Variants in ZNF385D observed in about 807,000 individuals in gnomAD.
ZNF385D encodes zinc finger protein 385D.
ZNF385D carries 15 observed loss-of-function variants against 35.8 expected under a neutral mutation model. That is an observed-to-expected ratio of 0.42 (90% confidence interval 0.28 to 0.64). The LOEUF (loss-of-function observed/expected upper bound fraction) is 0.64. Among genes scored for constraint, ZNF385D ranks in the 30% least tolerant of loss-of-function variants. The pLI, the probability that ZNF385D is intolerant of heterozygous loss-of-function variation, is 0.23. For synonymous variants in ZNF385D, 212 were observed against 186.8 expected, an observed-to-expected ratio of 1.13 and a Z score of -1.10; for missense variants, 474 against 494.6, an observed-to-expected ratio of 0.96 and a Z score of 0.39.
chr3:22,167,652 C>T (rs116758615), intron 3 of ZNF385D, among the ~76,000 whole-genome samples: 370 of 152,256 alleles, frequency 2.4e-3, no homozygotes, highest in African/African-American at 8.1e-3. Flanking sequence ...GCCCCAAAGC[C>T]GTGGGCCGAG....
chr3:21,715,607 A>G (rs766739849), intron 1 of ZNF385D, among the ~76,000 whole-genome samples: 1 of 151,698 alleles, frequency 6.6e-6, no homozygotes, highest in Non-Finnish European at 1.5e-5. Context: ...TTTTCCTTTG[A>G]GTAGACACCC....
intron 1 of ZNF385D, among the ~76,000 whole-genome samples, chr3:21,688,854 C>G (rs138528154): frequency 2.6e-5 from 4 of 152,234 alleles, no homozygotes; most frequent in African/African-American, 9.6e-5. Flanking sequence ...AACAGGATAT[C>G]TGAAAATAGT....
chr3:21,575,318 T>C (rs1041490438), intron 2 of ZNF385D, among the ~76,000 whole-genome samples: 3 of 152,104 alleles, frequency 2.0e-5, no homozygotes, highest in Non-Finnish European at 4.4e-5. Flanking sequence ...CAAAAAGTCT[T>C]ACGGTTACTT....
At chr3:21,819,207 A>G (rs958327567) in intron 3 of ZNF385D, among the ~76,000 whole-genome samples, 7 of 151,866 alleles carry the variant, frequency 4.6e-5, no homozygotes, top group Admixed American at 2.0e-4. Flanking sequence ...AAAGAAACAT[A>G]AAGAAAGCAG....
At chr3:21,909,106 A>G (rs1472710024) in intron 3 of ZNF385D, among the ~76,000 whole-genome samples, 1 of 152,086 alleles carries the variant, frequency 6.6e-6, no homozygotes, top group Non-Finnish European at 1.5e-5. Flanking sequence ...ACTAGGGTTG[A>G]AAACACAGAT....
At chr3:21,581,149 C>G (rs556931485) in intron 2 of ZNF385D, among the ~76,000 whole-genome samples, 2 of 152,298 alleles carry the variant, frequency 1.3e-5, no homozygotes, top group Non-Finnish European at 2.9e-5. Flanking sequence ...ATTCATTTTC[C>G]ATTACTGCTT....
At chr3:22,170,615 A>T (rs1694344851) in intron 2 of ZNF385D, among the ~76,000 whole-genome samples, 1 of 152,204 alleles carries the variant, frequency 6.6e-6, no homozygotes, top group Non-Finnish European at 1.5e-5. Context: ...TAATTTAAAT[A>T]TGCAATTTAA....
At chr3:22,162,541 T>G (rs1706029635) in intron 3 of ZNF385D, among the ~76,000 whole-genome samples, 1 of 152,144 alleles carries the variant, frequency 6.6e-6, no homozygotes, top group East Asian at 1.9e-4. Context: ...CTGAGTTTAC[T>G]TGAGAGATTT....
intron 2 of ZNF385D, among the ~76,000 whole-genome samples, chr3:22,297,305 A>G (rs1702640957): frequency 6.6e-6 from 1 of 151,772 alleles, no homozygotes. Context: ...AAATCAATCC[A>G]TCTCCTCCGC....
intron 3 of ZNF385D, among the ~76,000 whole-genome samples, chr3:22,117,529 G>C (rs111759123): frequency 6.6e-6 from 1 of 151,412 alleles, no homozygotes; most frequent in Non-Finnish European, 1.5e-5. Flanking sequence ...TTAAATAACA[G>C]GTTAAATAGG....
intron 2 of ZNF385D, among the ~76,000 whole-genome samples, chr3:22,231,563 C>T (rs572649524): frequency 9.9e-4 from 151 of 152,218 alleles, no homozygotes; most frequent in African/African-American, 3.5e-3. Flanking sequence ...GGCTTGGGGA[C>T]ACCAAGGTCT....
intron 1 of ZNF385D, among the ~76,000 whole-genome samples, chr3:21,717,414 A>G (rs2068366554): frequency 6.6e-6 from 1 of 152,130 alleles, no homozygotes; most frequent in Non-Finnish European, 1.5e-5. Context: ...CCTTGTGATG[A>G]CTTTCTGTTT....
intron 3 of ZNF385D, among the ~76,000 whole-genome samples, chr3:21,548,174 G>C (rs909315392): frequency 6.6e-6 from 1 of 152,142 alleles, no homozygotes; most frequent in Non-Finnish European, 1.5e-5. Context: ...CCATTTGGGA[G>C]CCTAAATTTT....
intron 3 of ZNF385D, among the ~76,000 whole-genome samples, chr3:21,984,494 C>G (rs1030408797): frequency 7.5e-6 from 1 of 132,874 alleles, no homozygotes; most frequent in Non-Finnish European, 1.6e-5. Context: ...GGCGTTATTT[C>G]TGAGGGCTCT....
intron 4 of ZNF385D, among the ~76,000 whole-genome samples, chr3:21,454,906 T>C (rs1702696577): frequency 6.6e-6 from 1 of 152,140 alleles, no homozygotes; most frequent in South Asian, 2.1e-4. Context: ...GGATACAAAA[T>C]CAATGTGCAA....
At chr3:21,771,565 C>T (rs572993007) in intron 3 of ZNF385D, among the ~76,000 whole-genome samples, 2 of 151,574 alleles carry the variant, frequency 1.3e-5, no homozygotes, top group African/African-American at 4.8e-5. Flanking sequence ...AACACAATTA[C>T]CTTAAAGATG....
At chr3:22,219,455 C>T (rs888273555) in intron 2 of ZNF385D, among the ~76,000 whole-genome samples, 1 of 152,080 alleles carries the variant, frequency 6.6e-6, no homozygotes, top group African/African-American at 2.4e-5. Context: ...ATTTTACAAC[C>T]TATTCTCCAG....
intron 2 of ZNF385D, among the ~76,000 whole-genome samples, chr3:21,583,050 G>A (rs2063712959): frequency 6.6e-6 from 1 of 152,158 alleles, no homozygotes; most frequent in Non-Finnish European, 1.5e-5. Context: ...ACAGGCATGA[G>A]CCACTGCACC....
chr3:22,116,178 A>C (rs1160006531), intron 3 of ZNF385D, among the ~76,000 whole-genome samples: 1 of 152,044 alleles, frequency 6.6e-6, no homozygotes, highest in East Asian at 1.9e-4. Context: ...AAAATTAGAG[A>C]GCTTTTAGAA....
Sources: gnomAD v4.1 joint callset for allele counts (sites outside exome capture counted in the v4.1 genomes callset) on GRCh38, gnomAD v4.1.1 for gene constraint, MANE v1.5 for transcripts, NCBI Gene and HGNC (gene_info 2026-07-23, HGNC 2026-07-21) for gene names.